Variants in DNAH8 observed in about 807,000 individuals in gnomAD.
DNAH8 encodes the protein axonemal beta dynein heavy chain 8.
A neutral mutation model predicts 562.1 loss-of-function variants in DNAH8; 382 were observed. The ratio of observed to expected loss-of-function variants is 0.68; its 90% CI spans 0.63 to 0.74. The LOEUF (loss-of-function observed/expected upper bound fraction) is 0.74, where lower values mean the gene tolerates loss of function less well. Among genes scored for constraint, DNAH8 ranks in the 30% least tolerant of loss-of-function variants. The pLI is 0.00. For missense variants in DNAH8, 5,203 were observed against 5,620.4 expected (o/e 0.93, Z 2.37); for synonymous variants, 1,881 against 1,919.4 (o/e 0.98, Z 0.52).
At chr6:38,919,879 AC>A (rs1215273806) in intron 70 of DNAH8, among the ~76,000 whole-genome samples, 1 of 152,208 alleles carries the variant, frequency 6.6e-6, no homozygotes, top group African/African-American at 2.4e-5. Flanking sequence ...GTATATACTC[AC>A]TCATAAGCAT....
intron 74 of DNAH8, among the ~76,000 whole-genome samples, chr6:38,927,039 A>G (rs1782177844): frequency 6.6e-6 from 1 of 152,048 alleles, no homozygotes. Context: ...TTTTTGGCCA[A>G]GTTTTATTCA....
At chr6:38,781,396 A>G (rs1294823456) in intron 16 of DNAH8, 23 bp downstream of exon 16, 13 of 1,611,838 alleles carry the variant, frequency 8.1e-6, no homozygotes, top group Non-Finnish European at 1.1e-5. Flanking sequence ...TTAAATTTTA[A>G]TATGTGGATT....
chr6:39,006,837 G>T (rs1465664733), intron 88 of DNAH8, among the ~76,000 whole-genome samples: 1 of 152,178 alleles, frequency 6.6e-6, no homozygotes, highest in Non-Finnish European at 1.5e-5. Flanking sequence ...TCTGACAGGT[G>T]GAGGTTACTT....
chr6:38,947,354 G>A (rs534784402), intron 80 of DNAH8, among the ~76,000 whole-genome samples: 2 of 152,312 alleles, frequency 1.3e-5, no homozygotes, highest in South Asian at 4.1e-4. Flanking sequence ...CTGAGTGGAT[G>A]TCAGGAACTG....
At chr6:38,836,351 GC>G (rs905678933) in intron 32 of DNAH8, among the ~76,000 whole-genome samples, 5 of 151,876 alleles carry the variant, frequency 3.3e-5, no homozygotes, top group African/African-American at 1.2e-4. Flanking sequence ...GGAGGCTGAG[GC>G]AGGAGAATTG....
chr6:38,804,734 G>A (rs1337935194), intron 22 of DNAH8, among the ~76,000 whole-genome samples: 1 of 151,064 alleles, frequency 6.6e-6, no homozygotes, highest in Non-Finnish European at 1.5e-5. Flanking sequence ...GTCAAGCAGA[G>A]ATCCCATGAA....
intron 64 of DNAH8, among the ~76,000 whole-genome samples, 180 bp from the exon 65 acceptor site, chr6:38,909,338 A>G (rs1780707261): frequency 6.6e-6 from 1 of 152,186 alleles, no homozygotes; most frequent in African/African-American, 2.4e-5. Flanking sequence ...AGGACAGGGA[A>G]GAGTGTGGAG....
chr6:38,911,503 A>T lies in DNAH8; in HGVS notation c.9776A>T (p.Tyr3259Phe), dbSNP rs1178337730. ...AGAGCACATGTGACTCCCAAATCTT[A>T]CCTCTCATTTATAAATGGTTATAAA... The part of the protein sequence containing the change: ...RRRAHVTPKS[Y>F]LSFINGYKNI... The change falls in exon 66 of 93, where the codon TAC (tyrosine) becomes TTC (phenylalanine). Residue 3259 changes from tyrosine (Y) to phenylalanine (F), a missense_variant. Tyr to Phe is a conservative substitution (Grantham distance 22). Around this residue, in one of 6 missense-constraint regions of DNAH8, gnomAD observed 977 missense variants for 1,061.8 expected, o/e 0.92. Transcript: ENST00000327475. The T allele has an allele frequency of 6.2e-7, 1 of 1,613,754 alleles. No individual in the cohort carries two copies. The highest frequency in any genetic ancestry group is 1.6e-4 in the Middle Eastern group (1 of 6,062).
At chr6:39,000,132 A>G (rs9470960) in intron 88 of DNAH8, among the ~76,000 whole-genome samples, 20,196 of 152,212 alleles carry the variant, frequency 0.13, 1,476 homozygotes, top group African/African-American at 0.19. Context: ...TTTGTTGAGA[A>G]CTTACTGTCT....
rs1189052584 is a variant in DNAH8 at position 38,931,892 on chromosome 6, A to G, written c.11356A>G (p.Thr3786Ala). 6.2e-7 allele frequency: 1 copy of G among 1,611,852 alleles called. No homozygotes were observed. Among genetic ancestry groups the G allele is most frequent in the Admixed American group, 1.7e-5 (1 of 59,642 alleles). Reference sequence around the variant, plus strand: ...TACGAAGTTACCAAATCCTGCCTTTACCCCAGAGATTAATGCTAAAACGTC... The same window carrying G: ...TACGAAGTTACCAAATCCTGCCTTTGCCCCAGAGATTAATGCTAAAACGTC... Reference protein sequence around the residue: ...ITTKLPNPAFTPEINAKTSVI... With the variant: ...ITTKLPNPAFAPEINAKTSVI... Residue 3786 changes from threonine (T) to alanine (A), a missense_variant, in exon 76 of 93, where the codon ACC (threonine) becomes GCC (alanine). Thr to Ala is a moderately conservative substitution (Grantham distance 58). This residue lies in a region of DNAH8 where 1,399 missense variants were observed against 1,518.4 expected (regional missense o/e 0.92). Coordinates refer to ENST00000327475, the MANE Select transcript of DNAH8 (RefSeq NM_001206927.2).
chr6:38,880,707 A>G (rs373554745), intron 53 of DNAH8, among the ~76,000 whole-genome samples: 9 of 152,248 alleles, frequency 5.9e-5, no homozygotes, highest in East Asian at 5.8e-4. Context: ...ATTTAACATC[A>G]TTGGTCGTCA....
Position 38,715,921 on chromosome 6 carries a change from AATAAATATATATATATATATAT to A in DNAH8, c.-35+510_-35+531del, listed in dbSNP as rs1762254994. On this transcript the variant is annotated intron_variant, in intron 1 of 92. Coordinates refer to ENST00000327475, the MANE Select transcript of DNAH8 (RefSeq NM_001206927.2). ...AGCTATTAAAATAAATAAATAAATA[AATAAATATATATATATATATAT>A]ATATATATATATATATATTTTTTTT... is the stretch of plus-strand genomic sequence containing the variant. 4.6e-5 allele frequency among the ~76,000 whole-genome samples: 2 copies of A among 43,462 alleles called. 1 individual carries two copies. The highest frequency in any genetic ancestry group is 1.6e-3 in the South Asian group (2 of 1,264). The allele number at this position is 43,462 out of a possible 152,430, so 28.5% of individuals were successfully genotyped here.
At chr6:38,720,252 C>T (rs1454258972) in intron 1 of DNAH8, among the ~76,000 whole-genome samples, 2 of 152,160 alleles carry the variant, frequency 1.3e-5, no homozygotes, top group African/African-American at 4.8e-5. Flanking sequence ...GGAGAAATAT[C>T]CCTGAGGACA....
chr6:38,938,637 G>T (rs1203646902), intron 78 of DNAH8, among the ~76,000 whole-genome samples, 161 bp from the exon 79 acceptor site: 4 of 152,076 alleles, frequency 2.6e-5, no homozygotes, highest in Non-Finnish European at 5.9e-5. Context: ...AATAACTAAT[G>T]GGTACTAGGC....
chr6:38,886,037 T>C (rs1388341616), intron 56 of DNAH8, among the ~76,000 whole-genome samples: 1 of 152,224 alleles, frequency 6.6e-6, no homozygotes, highest in East Asian at 1.9e-4. Context: ...CACTAAGAGA[T>C]GCTCAATAGA....
chr6:38,731,600 A>G (rs1763659984), intron 4 of DNAH8, among the ~76,000 whole-genome samples: 1 of 152,238 alleles, frequency 6.6e-6, no homozygotes, highest in African/African-American at 2.4e-5. Flanking sequence ...TTTAGGAGAA[A>G]TTCTCAGAAG....
intron 42 of DNAH8, among the ~76,000 whole-genome samples, chr6:38,860,003 T>A (rs748759382): frequency 6.6e-6 from 1 of 152,182 alleles, no homozygotes; most frequent in African/African-American, 2.4e-5. Flanking sequence ...AATCAGATCT[T>A]CTAGACATTT....
rs568371752 is a variant in DNAH8, at chr6:38,884,260, A to G, written c.8259+262A>G. 9.2e-5 allele frequency among the ~76,000 whole-genome samples: 14 copies of G among 152,180 alleles called. No individual in the cohort carries two copies. In the South Asian group the frequency reaches 2.9e-3, roughly 32 times the overall value. ...ACATGCAGGTTTGTTACATATGTAT[A>G]CATGTGCCATGTTGGTGTGCTGCAC... is the stretch of plus-strand genomic sequence containing the variant. On this transcript the variant is annotated intron_variant, in intron 56 of 92. Coordinates refer to ENST00000327475, the MANE Select transcript of DNAH8 (RefSeq NM_001206927.2).
intron 21 of DNAH8, among the ~76,000 whole-genome samples, chr6:38,797,856 C>T (rs1344378016): frequency 6.6e-6 from 1 of 152,178 alleles, no homozygotes; most frequent in African/African-American, 2.4e-5. Flanking sequence ...TGTCACTCTG[C>T]TCAATCAAGC....
Sources: allele counts gnomAD v4.1 joint callset (sites outside exome capture counted in the v4.1 genomes callset), GRCh38; gene constraint gnomAD v4.1.1; regional missense constraint gnomAD v4.1.1; transcripts MANE v1.5; gene names NCBI Gene and HGNC (gene_info 2026-07-23, HGNC 2026-07-21).